DMXL2: variants seen among roughly 807,000 people sequenced by gnomAD.
DMXL2 encodes the protein dmX-like protein 2.
In DMXL2, 103 loss-of-function variants were observed where a neutral mutation model predicts 331.1. The observed-to-expected ratio is 0.31, with a 90% CI of 0.27 to 0.37. DMXL2 has a LOEUF of 0.37. DMXL2 is among the 10% of genes least tolerant of loss of function. The pLI, the probability that DMXL2 is intolerant of heterozygous loss-of-function variation, is 1.00. For missense variants in DMXL2, 3,171 were observed against 3,642.9 expected, an observed-to-expected ratio of 0.87 and a Z score of 3.33; for synonymous variants, 1,281 against 1,252.1, an observed-to-expected ratio of 1.02 and a Z score of -0.49.
chr15:51,527,811 G>A (rs1426867872), intron 13 of DMXL2, among the ~76,000 whole-genome samples: 1 of 151,460 alleles, frequency 6.6e-6, no homozygotes, highest in Non-Finnish European at 1.5e-5. Context: ...CACTGTAACT[G>A]TGGTGTGTAA....
chr15:51,586,814 T>C (rs2051863821), intron 1 of DMXL2, among the ~76,000 whole-genome samples: 1 of 152,086 alleles, frequency 6.6e-6, no homozygotes, highest in South Asian at 2.1e-4. Flanking sequence ...AATTAACCAT[T>C]ATAAAACCAA....
intron 15 of DMXL2, among the ~76,000 whole-genome samples, chr15:51,508,862 C>T (rs2046576234): frequency 6.6e-6 from 1 of 152,090 alleles, no homozygotes; most frequent in African/African-American, 2.4e-5. Context: ...TAAATGAGAA[C>T]TGATAAAATT....
Position 51,457,308 on chromosome 15 carries a change from C to G in DMXL2, c.8337+20G>C. On this transcript the variant is annotated intron_variant, in intron 37 of 43. Transcript: ENST00000560891. ...TCAGAGTCCAAATCCAGAAATGATA[C>G]CTATAAGTAAATAACATACCACACT... 1 of 1,606,870 alleles carries G rather than the reference C, an allele frequency of 6.2e-7. No individual in the cohort carries two copies. Among genetic ancestry groups the G allele is most frequent in the Non-Finnish European group, 8.5e-7 (1 of 1,177,176 alleles).
intron 29 of DMXL2, among the ~76,000 whole-genome samples, chr15:51,467,030 G>T (rs1044933185): frequency 2.0e-5 from 3 of 151,898 alleles, no homozygotes; most frequent in African/African-American, 7.2e-5. Flanking sequence ...GTCAGTGGGA[G>T]AAAAAGAAAG....
chr15:51,602,381 A>C (rs2053288158), intron 1 of DMXL2, among the ~76,000 whole-genome samples: 1 of 152,092 alleles, frequency 6.6e-6, no homozygotes, highest in Non-Finnish European at 1.5e-5. Context: ...ATAATTCCAC[A>C]GTTCTACTCT....
rs768799908 is a variant in DMXL2, at chr15:51,536,372, G to C, written c.2108C>G (p.Ser703Trp). 11 of 1,613,528 alleles carry C rather than the reference G, an allele frequency of 6.8e-6. 1 individual carries two copies. In the South Asian group the frequency reaches 1.1e-4, roughly 16 times the overall value. ...MDPVKHIKGS[S>W]KQPLRNAATR... ...TGCTGCATTTCTAAGAGGTTGTTTCGAGGAACCTTTTATATGTTTTACAGG... is the reference window on the plus strand; with the variant it reads ...TGCTGCATTTCTAAGAGGTTGTTTCCAGGAACCTTTTATATGTTTTACAGG... The change falls in exon 12 of 44, where the codon TCG becomes TGG. Residue 703 changes from serine to tryptophan, a missense_variant. Coordinates refer to ENST00000560891, the MANE Select transcript of DMXL2 (RefSeq NM_001378457.1).
At chr15:51,503,848 A>C (rs1382685077) in intron 16 of DMXL2, among the ~76,000 whole-genome samples, 1 of 152,208 alleles carries the variant, frequency 6.6e-6, no homozygotes, top group South Asian at 2.1e-4. Context: ...ATTATTATGC[A>C]TCAATAAATT....
In DMXL2 at chr15:51,499,127, G is replaced by A; in HGVS notation, c.4097C>T (p.Ala1366Val). The A allele has an allele frequency of 6.2e-7, 1 of 1,614,060 alleles. No individual in the cohort carries two copies. The highest frequency in any genetic ancestry group is 8.5e-7 in the Non-Finnish European group (1 of 1,180,022). Residue 1366 changes from alanine (A) to valine (V), a missense_variant, in exon 18 of 44, where the codon GCC becomes GTC. This residue lies in a region of DMXL2 where 1,674 missense variants were observed against 1,780.2 expected (regional missense o/e 0.94). Coordinates refer to ENST00000560891, the MANE Select transcript of DMXL2 (RefSeq NM_001378457.1). ...ACATTTTACTAAATGAGAGAGAATG[G>A]CTTTAGCCCTTCGCACTTTCCCTAA... is the stretch of plus-strand genomic sequence containing the variant. The part of the protein sequence containing the change: ...MDLGKVRRAK[A>V]ILSHLVKCIA...
At chr15:51,474,006 C>CTTT (rs531233667) in intron 28 of DMXL2, among the ~76,000 whole-genome samples, 128 of 142,330 alleles carry the variant, frequency 9.0e-4, no homozygotes, top group African/African-American at 3.2e-3. Context: ...TTTGTTTTTG[C>CTTT]TTTTTTTTTT....
At chr15:51,548,923 T>A (rs574807689) in intron 6 of DMXL2, among the ~76,000 whole-genome samples, 1 of 152,074 alleles carries the variant, frequency 6.6e-6, no homozygotes, top group Non-Finnish European at 1.5e-5. Flanking sequence ...CTAGCTTTTT[T>A]TTTTAAGTTC....
chr15:51,454,867 T>C (rs890451675), intron 40 of DMXL2, among the ~76,000 whole-genome samples: 4 of 151,998 alleles, frequency 2.6e-5, no homozygotes, highest in Admixed American at 1.3e-4. Flanking sequence ...TGGATGAAAG[T>C]ATAATAATAA....
chr15:51,498,636 C>A lies in DMXL2; in HGVS notation c.4588G>T (p.Glu1530Ter). The change falls in exon 18 of 44, where the codon GAG becomes TAG. Residue 1530 changes from glutamate (E) to a stop codon, truncating the protein, a stop_gained. Transcript: ENST00000560891. LOFTEE classifies it high-confidence loss of function. The stretch of plus-strand genomic sequence containing the variant: ...GCCAAAGCTACAAGGAACATCTGCT[C>A]CAAACGGGTAAGGCCTGGTAGACTT... ...HSSLPGLTRL[E>*]QMFLVALADT... The A allele has an allele frequency of 6.2e-7, 1 of 1,614,124 alleles. No individual in the cohort carries two copies. The highest frequency in any genetic ancestry group is 8.5e-7 in the Non-Finnish European group (1 of 1,180,004).
intron 42 of DMXL2, chr15:51,450,731 C>A (rs183975778): frequency 5.7e-6 from 1 of 176,386 alleles, no homozygotes; most frequent in Non-Finnish European, 1.2e-5. Context: ...ATTGAAACAA[C>A]GACACTATGA....
At chr15:51,622,426 T>C in intron 1 of DMXL2, 33 bp downstream of exon 1, 1 of 1,551,300 alleles carries the variant, frequency 6.4e-7, no homozygotes, top group Non-Finnish European at 8.7e-7. Flanking sequence ...TGGCCCCTGG[T>C]ATCTTCCCCT....
intron 1 of DMXL2, among the ~76,000 whole-genome samples, chr15:51,606,423 G>A (rs1321799987): frequency 6.6e-6 from 1 of 152,082 alleles, no homozygotes; most frequent in Non-Finnish European, 1.5e-5. Flanking sequence ...TCGAACTCCT[G>A]ACCTCAGGTT....
intron 6 of DMXL2, among the ~76,000 whole-genome samples, chr15:51,562,654 A>G (rs1345022480): frequency 6.6e-6 from 1 of 152,226 alleles, no homozygotes. Flanking sequence ...GTATATAGAA[A>G]AAAAAGCAAA....
At chr15:51,487,925 TATTA>T in intron 22 of DMXL2, 25 bp downstream of exon 22, 1 of 1,555,458 alleles carries the variant, frequency 6.4e-7, no homozygotes, top group South Asian at 1.2e-5. Context: ...CTTTTACAAG[TATTA>T]TATAGTGTGT....
At chr15:51,473,926 TGCTGGTATGC>T (rs1472274939) in intron 28 of DMXL2, among the ~76,000 whole-genome samples, 4 of 152,316 alleles carry the variant, frequency 2.6e-5, no homozygotes, top group Admixed American at 1.3e-4. Context: ...TGAAGCCAAC[TGCTGGTATGC>T]GCTAAAGATT....
At chr15:51,564,475 C>T (rs1385200468) in intron 4 of DMXL2, among the ~76,000 whole-genome samples, 1 of 151,698 alleles carries the variant, frequency 6.6e-6, no homozygotes, top group Non-Finnish European at 1.5e-5. Context: ...TTGAGAACAA[C>T]AAAGTAAAGC....
Sources: gnomAD v4.1 joint callset for allele counts (sites outside exome capture counted in the v4.1 genomes callset) on GRCh38, gnomAD v4.1.1 for gene constraint, gnomAD v4.1.1 regional missense constraint, MANE v1.5 for transcripts, NCBI Gene and HGNC (gene_info 2026-07-23, HGNC 2026-07-21) for gene names.